The following PLEKHA4 variants were observed in gnomAD, a reference collection of about 807,000 sequenced individuals.
PLEKHA4 encodes pleckstrin homology domain containing A4.
A neutral mutation model predicts 94.7 loss-of-function variants in PLEKHA4; 73 were observed. The ratio of observed to expected loss-of-function variants is 0.77; its 90% CI spans 0.64 to 0.94. PLEKHA4 has a LOEUF of 0.94. Among genes scored for constraint, PLEKHA4 ranks in the 40% least tolerant of loss-of-function variants. PLEKHA4 has a pLI of 0.00. For synonymous variants in PLEKHA4, 449 were observed against 437.1 expected, an observed-to-expected ratio of 1.03 and a Z score of -0.34; for missense variants, 1,049 against 1,054.1, an observed-to-expected ratio of 1.00 and a Z score of 0.07.
At chr19:48,864,969 T>C (rs1418936077) in intron 3 of PLEKHA4, among the ~76,000 whole-genome samples, 2 of 152,214 alleles carry the variant, frequency 1.3e-5, no homozygotes, top group Admixed American at 1.3e-4. Context: ...TGGAATGTAA[T>C]ATAAATACTT....
rs763707559 is a variant in PLEKHA4, at chr19:48,845,435, G to A, written c.1678C>T (p.Pro560Ser). ...LASPHLGLGS[P>S]RVSRASSPEG... is the part of the protein sequence containing the mutation. Reference sequence around the variant, plus strand: ...GGGCTGGAAGCCCGGGAGACCCTCGGAGACCCAAGACCTGGAAAGACAGAA... The same window carrying A: ...GGGCTGGAAGCCCGGGAGACCCTCGAAGACCCAAGACCTGGAAAGACAGAA... Residue 560 changes from proline (P) to serine (S), a missense_variant, in exon 16 of 20, where the codon CCG becomes TCG. Transcript: ENST00000263265. 6.2e-7 allele frequency: 1 copy of A among 1,613,976 alleles called. No homozygotes were observed. Among genetic ancestry groups the A allele is most frequent in the South Asian group, 1.1e-5 (1 of 91,060 alleles).
chr19:48,849,886 G>T (rs770069341), intron 13 of PLEKHA4, among the ~76,000 whole-genome samples: 6 of 152,156 alleles, frequency 3.9e-5, no homozygotes, highest in Non-Finnish European at 7.3e-5. Context: ...AACCAGGGGA[G>T]AGAGCAGCTC....
chr19:48,852,139 T>G (rs1300665506), intron 13 of PLEKHA4, 89 bp downstream of exon 13: 13 of 1,040,516 alleles, frequency 1.2e-5, no homozygotes, highest in African/African-American at 3.1e-5. Context: ...GGGGCCTCGA[T>G]TCTGTGGGCG....
chr19:48,837,919 C>A lies in PLEKHA4; in HGVS notation c.2077+98G>T. 1 of 994,878 alleles carries A rather than the reference C, an allele frequency of 1.0e-6. No homozygotes were observed. The highest frequency in any genetic ancestry group is 1.5e-6 in the Non-Finnish European group (1 of 656,630). The allele number at this position is 994,878 out of a possible 1,614,324, so 61.6% of individuals were successfully genotyped here. Reference sequence around the variant, plus strand: ...TTTACTCACCAAGATAAAAAATTCTCACCGGCCCCCAGACCCCTCCTCTCC... The same window carrying A: ...TTTACTCACCAAGATAAAAAATTCTAACCGGCCCCCAGACCCCTCCTCTCC... On this transcript the variant is annotated intron_variant, in intron 19 of 19. Transcript: ENST00000263265. This position sits in a 1 kb window ranked among gnomAD's most constrained non-coding sequence, Gnocchi z 4.3.
In PLEKHA4 at chr19:48,865,509, A is replaced by G; in HGVS notation, c.186T>C (p.His62=). 1.2e-6 allele frequency: 2 copies of G among 1,613,702 alleles called. No individual in the cohort carries two copies. Among genetic ancestry groups the G allele is most frequent in the Non-Finnish European group, 8.5e-7 (1 of 1,179,684 alleles). ...CTTCTCCTACTGACCCCACCTGCTT[A>G]TGAAGCCAGCCTCGGATGTGCACGG... is the stretch of plus-strand genomic sequence containing the variant. ...NLPVHIRGWL[H]KQDSSGLRLW... is the part of the protein sequence containing the mutation. The change falls in exon 3 of 20, where the codon CAT becomes CAC. Residue 62 remains histidine, a synonymous_variant. Coordinates refer to ENST00000263265, the MANE Select transcript of PLEKHA4 (RefSeq NM_020904.3).
chr19:48,848,098 C>A (rs2036037761), intron 13 of PLEKHA4, 58 bp from the exon 14 acceptor site: 1 of 1,543,996 alleles, frequency 6.5e-7, no homozygotes, highest in East Asian at 2.3e-5. Context: ...AGGGTTTCAG[C>A]TAATAGGCCC....
Position 48,867,718 on chromosome 19 carries a change from G to A in PLEKHA4, c.-6-92C>T, listed in dbSNP as rs2036882843. ...GGCTTGGAGGTCGGAGGAGGCTGCA[G>A]AGAAAGAGCCTGTTGTTTCGGGACT... On this transcript the variant is annotated intron_variant, in intron 1 of 19. Coordinates refer to ENST00000263265, the MANE Select transcript of PLEKHA4 (RefSeq NM_020904.3). This position sits in a 1 kb window ranked among gnomAD's most constrained non-coding sequence, Gnocchi z 4.7. 1 of 1,218,624 alleles carries A rather than the reference G, an allele frequency of 8.2e-7. No homozygotes were observed. The highest frequency in any genetic ancestry group is 1.5e-5 in the African/African-American group (1 of 66,424). 75.5% of individuals were successfully genotyped at this position (1,218,624 alleles called of 1,614,324 possible).
chr19:48,854,898 G>A (rs2036345341), intron 9 of PLEKHA4, among the ~76,000 whole-genome samples: 2 of 151,226 alleles, frequency 1.3e-5, no homozygotes, highest in African/African-American at 4.9e-5. Context: ...CAGGGCTGGG[G>A]TCTCACTATG....
chr19:48,844,972 G>C (rs1467532271), intron 16 of PLEKHA4, among the ~76,000 whole-genome samples: 1 of 151,772 alleles, frequency 6.6e-6, no homozygotes, highest in Non-Finnish European at 1.5e-5. Context: ...CCACCACCAC[G>C]CCTGGCTAAT....
In PLEKHA4 at chr19:48,838,460, T is replaced by TAA. The variant is rs34936332; in HGVS notation, c.1965-333_1965-332dup. 1,072 of 123,026 alleles carry TAA rather than the reference T, an allele frequency of 8.7e-3. 13 individuals are homozygous for TAA. Among genetic ancestry groups the TAA allele is most frequent in the African/African-American group, 0.028 (930 of 33,798 alleles). 7.6% of individuals were successfully genotyped at this position (123,026 alleles called of 1,614,324 possible). ...GTATGTACCAACAAAAATTAAAAAT[T>TAA]AAAAAAAAAAAAAAAAAAGCAGGCC... On this transcript the variant is annotated intron_variant, in intron 18 of 19. Coordinates refer to ENST00000263265, the MANE Select transcript of PLEKHA4 (RefSeq NM_020904.3).
chr19:48,844,687 C>G lies in PLEKHA4; in HGVS notation c.1743+683G>C, dbSNP rs2122937884. On this transcript the variant is annotated intron_variant, in intron 16 of 19. Coordinates refer to ENST00000263265, the MANE Select transcript of PLEKHA4 (RefSeq NM_020904.3). ...CAGCCAATCAGCAACAGACACAGAG[C>G]ACAGAGCTTCCACAGCTTAAAGTCA... 4 of 976,356 alleles carry G rather than the reference C, an allele frequency of 4.1e-6. No homozygotes were observed. The South Asian group carries it at 1.9e-4, about 46-fold the overall frequency. The allele number at this position is 976,356 out of a possible 1,614,324, so 60.5% of individuals were successfully genotyped here. A position where few individuals can be genotyped will look rare whatever the true frequency, so the allele number is the denominator to read the frequency against.
chr19:48,854,066 C>G lies in PLEKHA4; in HGVS notation c.1117G>C (p.Gly373Arg). ...AGCCTCCGCAGAAGCCGGTCCTGCC[C>G]GCACAACTTGGTCAGCAGCGTCTGG... Reference protein sequence around the residue: ...ETDTLLTKLCGQDRLLRRLQE... With the variant: ...ETDTLLTKLCRQDRLLRRLQE... The change falls in exon 11 of 20, where the codon GGG (glycine) becomes CGG (arginine). Residue 373 changes from glycine to arginine, a missense_variant. Gly to Arg is a moderately radical substitution (Grantham distance 125, BLOSUM62 -2). Coordinates refer to ENST00000263265, the MANE Select transcript of PLEKHA4 (RefSeq NM_020904.3). 1 of 1,614,164 alleles carries G rather than the reference C, an allele frequency of 6.2e-7. No individual in the cohort carries two copies. The highest frequency in any genetic ancestry group is 1.1e-5 in the South Asian group (1 of 91,088).
Position 48,838,236 on chromosome 19 carries a change from A to G in PLEKHA4, c.1965-107T>C, listed in dbSNP as rs2035619345. On this transcript the variant is annotated intron_variant, in intron 18 of 19. Coordinates refer to ENST00000263265, the MANE Select transcript of PLEKHA4 (RefSeq NM_020904.3). ...GGATGAATAAGACCTACTATTAGAT[A>G]GCACAACAGAATGACTATAGTCAAT... 11 of 607,640 alleles carry G rather than the reference A, an allele frequency of 1.8e-5. No individual in the cohort carries two copies. In the South Asian group the frequency reaches 2.4e-4, roughly 13 times the overall value. 37.6% of individuals were successfully genotyped at this position (607,640 alleles called of 1,614,324 possible).
chr19:48,859,427 C>T, intron 7 of PLEKHA4, 42 bp downstream of exon 7: 1 of 1,604,972 alleles, frequency 6.2e-7, no homozygotes, highest in South Asian at 1.1e-5. Context: ...CGGCCCTGCC[C>T]TTCTCTTAGG....
rs368332515 is a variant in PLEKHA4 at position 48,859,131 on chromosome 19, G to T, written c.701C>A (p.Thr234Asn). 1 of 1,516,740 alleles carries T rather than the reference G, an allele frequency of 6.6e-7. No homozygotes were observed. The highest frequency in any genetic ancestry group is 8.8e-7 in the Non-Finnish European group (1 of 1,136,972). 94.0% of individuals were successfully genotyped at this position (1,516,740 alleles called of 1,614,324 possible). Reference protein sequence around the residue: ...MRRARSPDLFTPLSRPPSPLS... With the variant: ...MRRARSPDLFNPLSRPPSPLS... ...AGGCGAGGGAGGGCGAGAGAGGGGG[G>T]TGAACAGGCTGTGGGAAGGAGAGAA... The change falls in exon 8 of 20, where the codon ACC becomes AAC. Residue 234 changes from threonine (T) to asparagine (N), a missense_variant. Transcript: ENST00000263265.
intron 13 of PLEKHA4, among the ~76,000 whole-genome samples, chr19:48,851,747 G>T (rs1476300155): frequency 6.6e-6 from 1 of 151,916 alleles, no homozygotes; most frequent in African/African-American, 2.4e-5. Context: ...TTGAGGTCAG[G>T]AGTTCAAGAC....
chr19:48,851,406 C>G (rs550005009), intron 13 of PLEKHA4, among the ~76,000 whole-genome samples: 29 of 151,786 alleles, frequency 1.9e-4, no homozygotes, highest in African/African-American at 7.0e-4. Flanking sequence ...CACCTGAGGT[C>G]GGGAATTCAA....
At position 48,847,935 on chromosome 19, in the gene PLEKHA4, G is replaced by A; in HGVS notation, c.1531C>T (p.Pro511Ser). The change falls in exon 14 of 20, where the codon CCC becomes TCC. Residue 511 changes from proline to serine, a missense_variant. By Grantham distance (74) the Pro-to-Ser change is moderately conservative. Transcript: ENST00000263265. ...GAGGACTCCTCGCCCTGGAGCACGG[G>A]AGATGGGGAGTCAGGCTCAGTGTGT... ...PPHTEPDSPSPVLQGEESSER... is the reference protein window; with the variant it reads ...PPHTEPDSPSSVLQGEESSER... 6.2e-7 allele frequency: 1 copy of A among 1,602,952 alleles called. No individual in the cohort carries two copies. Among genetic ancestry groups the A allele is most frequent in the East Asian group, 2.2e-5 (1 of 44,592 alleles).
chr19:48,860,192 GA>G, intron 6 of PLEKHA4, 157 bp downstream of exon 6: 1 of 634,434 alleles, frequency 1.6e-6, no homozygotes, highest in Non-Finnish European at 2.7e-6. Flanking sequence ...TTGCTGATTG[GA>G]AAAGTTCCCT....
Sources: allele counts gnomAD v4.1 joint callset (sites outside exome capture counted in the v4.1 genomes callset), GRCh38; gene constraint gnomAD v4.1.1; non-coding constraint Gnocchi (gnomAD v3.1); transcripts MANE v1.5; gene names NCBI Gene and HGNC (gene_info 2026-07-23, HGNC 2026-07-21).